PCDHGA6: variants seen among roughly 807,000 people sequenced by gnomAD.
The protein encoded by PCDHGA6 is protocadherin gamma subfamily A, 6.
A neutral mutation model predicts 60.6 loss-of-function variants in PCDHGA6; 41 were observed. The observed-to-expected ratio is 0.68, with a 90% CI of 0.53 to 0.88. PCDHGA6 has a LOEUF of 0.88. PCDHGA6 is among the 40% of genes least tolerant of loss of function. The probability of loss-of-function intolerance (pLI) is 0.00; values close to 1 mark genes in which losing one functional copy is unlikely to be tolerated. For synonymous variants in PCDHGA6, 594 were observed against 524.4 expected (o/e 1.13, Z -1.81); for missense variants, 1,312 against 1,203.0 (o/e 1.09, Z -1.34).
intron 1 of PCDHGA6, chr5:141,385,074 G>T: frequency 1.2e-6 from 2 of 1,614,192 alleles, no homozygotes; most frequent in African/African-American, 1.3e-5. Context: ...CACGCCTGCT[G>T]CAGGCTTCAG....
intron 1 of PCDHGA6, among the ~76,000 whole-genome samples, chr5:141,407,092 T>C (rs917246877): frequency 1.3e-5 from 2 of 152,360 alleles, no homozygotes; most frequent in Admixed American, 6.5e-5. Context: ...AGAATTGTTT[T>C]ATTTGTTTGT....
intron 1 of PCDHGA6, chr5:141,376,748 G>A (rs1210343016): frequency 4.3e-6 from 2 of 467,530 alleles, no homozygotes; most frequent in Non-Finnish European, 7.4e-6. Flanking sequence ...CTGCAGTGGC[G>A]CAATCTCGGC....
At chr5:141,498,679 C>G (rs1454800332) in intron 2 of PCDHGA6, among the ~76,000 whole-genome samples, 1 of 152,170 alleles carries the variant, frequency 6.6e-6, no homozygotes, top group Admixed American at 6.5e-5. Flanking sequence ...CGCCTGTAAT[C>G]CCAGCACTTT....
chr5:141,381,826 C>CTTTTTTTTTTT (rs770630741), intron 1 of PCDHGA6, among the ~76,000 whole-genome samples: 13 of 74,276 alleles, frequency 1.8e-4, no homozygotes, highest in South Asian at 5.1e-4. Flanking sequence ...CTTTCTTCTT[C>CTTTTTTTTTTT]TTTTTTTTTT....
chr5:141,459,613 C>A (rs1040874685), intron 1 of PCDHGA6, among the ~76,000 whole-genome samples: 1 of 152,188 alleles, frequency 6.6e-6, no homozygotes, highest in African/African-American at 2.4e-5. Context: ...ATATGCTTAA[C>A]TTTATAAGAA....
At chr5:141,428,400 G>C (rs373595231) in intron 1 of PCDHGA6, 4 of 483,290 alleles carry the variant, frequency 8.3e-6, no homozygotes, top group African/African-American at 2.0e-5. Flanking sequence ...CCTCTGCCTG[G>C]GGTTGCTTTC....
chr5:141,381,844 T>TTTTTTTTC, intron 1 of PCDHGA6, among the ~76,000 whole-genome samples: 1 of 145,182 alleles, frequency 6.9e-6, no homozygotes. Context: ...TTTTTTTTTT[T>TTTTTTTTC]TTTTGGCAGA....
chr5:141,409,129 T>G (rs781711972), intron 1 of PCDHGA6: 5 of 1,613,856 alleles, frequency 3.1e-6, no homozygotes, highest in Non-Finnish European at 4.2e-6. Flanking sequence ...CATTTGATTT[T>G]GAAGATGTAG....
At position 141,423,043 on chromosome 5, in the gene PCDHGA6, T is replaced by C. The variant is rs940921497; in HGVS notation, c.2424+46536T>C. 10 of 1,614,058 alleles carry C rather than the reference T, an allele frequency of 6.2e-6. No homozygotes were observed. The Admixed American group carries it at 1.5e-4, about 24-fold the overall frequency. ...AGATTCAGGCCAGAACGCCTGGCTG[T>C]CCTATCGCCTGCTTAAGGCCAGCGA... is the stretch of plus-strand genomic sequence containing the variant. On this transcript the variant is annotated intron_variant, in intron 1 of 3. Transcript: ENST00000517434.
At chr5:141,429,613 G>A (rs1374650357) in intron 1 of PCDHGA6, among the ~76,000 whole-genome samples, 2 of 152,084 alleles carry the variant, frequency 1.3e-5, no homozygotes, top group African/African-American at 2.4e-5. Flanking sequence ...TCAATTTTAT[G>A]TCTGATATTT....
intron 1 of PCDHGA6, among the ~76,000 whole-genome samples, chr5:141,492,539 G>A (rs1474928199): frequency 1.3e-5 from 2 of 152,200 alleles, no homozygotes; most frequent in African/African-American, 2.4e-5. Context: ...GCCCCGGGCT[G>A]GGCCGGGTCG....
chr5:141,389,397 A>G (rs1196356712), intron 1 of PCDHGA6: 2 of 1,613,688 alleles, frequency 1.2e-6, no homozygotes, highest in Admixed American at 3.3e-5. Context: ...CTACGTGTCC[A>G]TAAGCGCGGA....
At position 141,421,932 on chromosome 5, in the gene PCDHGA6, T is replaced by C. The variant is rs747598404; in HGVS notation, c.2424+45425T>C. On this transcript the variant is annotated intron_variant, in intron 1 of 3. Transcript: ENST00000517434. The stretch of plus-strand genomic sequence containing the variant: ...TTCCCATTCGTGTGGTGGTCCTCGA[T>C]GTAAATGATCACATCCCAATGTTTA... 3 of 1,613,588 alleles carry C rather than the reference T, an allele frequency of 1.9e-6. No individual in the cohort carries two copies. The East Asian group carries it at 6.7e-5, about 36-fold the overall frequency.
At chr5:141,401,835 T>C (rs983491795) in intron 1 of PCDHGA6, among the ~76,000 whole-genome samples, 2 of 152,326 alleles carry the variant, frequency 1.3e-5, no homozygotes, top group South Asian at 4.1e-4. Context: ...AGATTTCTTA[T>C]AATACCACTT....
At chr5:141,428,204 C>T (rs756271858) in intron 1 of PCDHGA6, 23 of 1,324,604 alleles carry the variant, frequency 1.7e-5, no homozygotes, top group Admixed American at 5.5e-5. Flanking sequence ...TGCGCCGCTA[C>T]GCTTCACCTA....
chr5:141,471,646 G>C (rs935284198), intron 1 of PCDHGA6: 1 of 152,108 alleles, frequency 6.6e-6, no homozygotes, highest in Non-Finnish European at 1.5e-5. Flanking sequence ...GTAATATACT[G>C]GATGTGGGGA....
chr5:141,430,258 A>T (rs542653323), intron 1 of PCDHGA6, among the ~76,000 whole-genome samples: 1 of 147,968 alleles, frequency 6.8e-6, no homozygotes, highest in Non-Finnish European at 1.5e-5. Flanking sequence ...AGACATCTCC[A>T]TAATAGGTGT....
In PCDHGA6 at chr5:141,413,208, A is replaced by G. The variant is rs532127106; in HGVS notation, c.2424+36701A>G. The G allele has an allele frequency of 3.5e-5, 57 of 1,612,984 alleles. No individual in the cohort carries two copies. The African/African-American group carries it at 5.2e-4, about 15-fold the overall frequency. On this transcript the variant is annotated intron_variant, in intron 1 of 3. Coordinates refer to ENST00000517434, the MANE Select transcript of PCDHGA6 (RefSeq NM_018919.3). ...CTCAAAGGAATCGCTCAAAGGAATC[A>G]AAGGATTGCAGCGGGCTGGTCCTGC... is the stretch of plus-strand genomic sequence containing the variant.
rs536041905 is a variant in PCDHGA6, at chr5:141,376,529, C to T, written c.2424+22C>T. The T allele has an allele frequency of 9.9e-6, 16 of 1,613,656 alleles. No homozygotes were observed. The African/African-American group carries it at 2.0e-4, about 20-fold the overall frequency. ...TCAGGTGAGTTTCTTTCCGCCTAAG[C>T]GGGAAGAGTAATCTGATCTTCCCGC... is the stretch of plus-strand genomic sequence containing the variant. On this transcript the variant is annotated intron_variant, in intron 1 of 3. Transcript: ENST00000517434.
Sources: allele counts gnomAD v4.1 joint callset (sites outside exome capture counted in the v4.1 genomes callset), GRCh38; gene constraint gnomAD v4.1.1; transcripts MANE v1.5; gene names NCBI Gene and HGNC (gene_info 2026-07-23, HGNC 2026-07-21).